The following MOB2 variants were observed in gnomAD, a reference collection of about 807,000 sequenced individuals.
MOB2 encodes the protein MOB kinase activator 2, also known as MOB2 Mps One Binder homolog.
Under a neutral mutation model 27.4 loss-of-function variants are expected in MOB2, and 14 were observed. That is an observed-to-expected ratio of 0.51 (90% CI 0.34 to 0.80). The LOEUF (loss-of-function observed/expected upper bound fraction) is 0.80, where lower values mean the gene tolerates loss of function less well. Ranked by LOEUF, MOB2 falls within the 30% of genes least tolerant of loss-of-function variation. The pLI is 0.01. For synonymous variants in MOB2, 167 were observed against 151.8 expected (o/e 1.10, Z -0.74); for missense variants, 304 against 354.6 (o/e 0.86, Z 1.15).
intron 1 of MOB2, among the ~76,000 whole-genome samples, chr11:1,485,285 C>T (rs1847958160): frequency 6.6e-6 from 1 of 152,256 alleles, no homozygotes. Flanking sequence ...CACACAAGCA[C>T]ACACTGGCAC....
intron 4 of MOB2, among the ~76,000 whole-genome samples, chr11:1,470,941 C>T (rs1431854802): frequency 6.6e-6 from 1 of 152,254 alleles, no homozygotes; most frequent in African/African-American, 2.4e-5. Context: ...AGCCCCACCA[C>T]ATCCCACCAA....
Position 1,471,340 on chromosome 11 carries a change from C to G in MOB2, c.445G>C (p.Val149Leu). ...TCCTCATCCGTCACCAGCTTCTGCA[C>G]GGAGCTCATGACGAAGTCAACGTAC... ...PQYVDFVMSS[V>L]QKLVTDEDVF... The change falls in exon 4 of 5, where the codon GTG becomes CTG. Residue 149 changes from valine (V) to leucine (L), a missense_variant. Val to Leu is a conservative substitution (Grantham distance 32). Transcript: ENST00000329957. 1.2e-6 allele frequency: 2 copies of G among 1,613,562 alleles called. No individual in the cohort carries two copies. Among genetic ancestry groups the G allele is most frequent in the Non-Finnish European group, 1.7e-6 (2 of 1,179,824 alleles).
In MOB2 at chr11:1,470,376, C is replaced by T; in HGVS notation, c.603G>A (p.Glu201=). ...WAHFKETLAL[E]LHGHLNTLYV... is the part of the protein sequence containing the mutation. ...AGAGCGTGTTCAAGTGTCCGTGCAGCTCCAGGGCCAGCGTCTCCTTGAAGT... is the reference window on the plus strand; with the variant it reads ...AGAGCGTGTTCAAGTGTCCGTGCAGTTCCAGGGCCAGCGTCTCCTTGAAGT... Residue 201 remains glutamate (E), a synonymous_variant, in exon 5 of 5, where the codon GAG becomes GAA. Transcript: ENST00000329957. 6.2e-7 allele frequency: 1 copy of T among 1,613,706 alleles called. No homozygotes were observed.
At chr11:1,476,017 C>T (rs371261936) in intron 3 of MOB2, among the ~76,000 whole-genome samples, 1 of 152,154 alleles carries the variant, frequency 6.6e-6, no homozygotes, top group South Asian at 2.1e-4. Flanking sequence ...AACCTGAGCA[C>T]GAGCACCCTG....
intron 3 of MOB2, among the ~76,000 whole-genome samples, chr11:1,477,611 G>A (rs890895981): frequency 3.3e-5 from 5 of 152,162 alleles, no homozygotes; most frequent in African/African-American, 1.2e-4. Flanking sequence ...TGTGGACCAG[G>A]AAAGGGACCC....
rs749278780 is a variant in MOB2 at position 1,471,286 on chromosome 11, G to A, written c.490+9C>T. The A allele has an allele frequency of 1.2e-6, 2 of 1,609,692 alleles. No individual in the cohort carries two copies. Among genetic ancestry groups the A allele is most frequent in the Admixed American group, 1.7e-5 (1 of 59,746 alleles). On this transcript the variant is annotated intron_variant, in intron 4 of 4. Coordinates refer to ENST00000329957, the MANE Select transcript of MOB2 (RefSeq NM_001172223.3). ...TGAGGATGACCGCCCAGTGCTGGGG[G>A]AGACGAACCGTATTTTGTGGGGAAC... is the stretch of plus-strand genomic sequence containing the variant.
At position 1,470,504 on chromosome 11, in the gene MOB2, G is replaced by T; in HGVS notation, c.491-16C>A. Reference sequence around the variant, plus strand: ...AATTCTCTGCCTGGGGAAGGCCACCGTGTCACAAGCTGCAGACATCCCTTG... The same window carrying T: ...AATTCTCTGCCTGGGGAAGGCCACCTTGTCACAAGCTGCAGACATCCCTTG... On this transcript the variant is annotated splice_polypyrimidine_tract_variant and intron_variant, in intron 4 of 4. Transcript: ENST00000329957. The T allele has an allele frequency of 6.2e-7, 1 of 1,605,868 alleles. No homozygotes were observed. Among genetic ancestry groups the T allele is most frequent in the South Asian group, 1.1e-5 (1 of 90,506 alleles).
chr11:1,470,377 T>C lies in MOB2; in HGVS notation c.602A>G (p.Glu201Gly). The change falls in exon 5 of 5, where the codon GAG becomes GGG. Residue 201 changes from glutamate to glycine, a missense_variant. Transcript: ENST00000329957. ...WAHFKETLALELHGHLNTLYV... is the reference protein window; with the variant it reads ...WAHFKETLALGLHGHLNTLYV... ...GAGCGTGTTCAAGTGTCCGTGCAGC[T>C]CCAGGGCCAGCGTCTCCTTGAAGTG... 1.9e-6 allele frequency: 3 copies of C among 1,613,644 alleles called. No homozygotes were observed. The highest frequency in any genetic ancestry group is 2.5e-6 in the Non-Finnish European group (3 of 1,179,892).
intron 3 of MOB2, among the ~76,000 whole-genome samples, chr11:1,476,791 T>C (rs1328008290): frequency 6.6e-6 from 1 of 152,194 alleles, no homozygotes; most frequent in East Asian, 1.9e-4. Context: ...CATGCTGTAT[T>C]TTCCTGTGTA....
intron 1 of MOB2, 104 bp downstream of exon 1, chr11:1,486,343 G>A (rs1201924905): frequency 2.3e-6 from 2 of 873,644 alleles, no homozygotes; most frequent in African/African-American, 3.3e-5. Context: ...GGCAGCCACG[G>A]ACACAGTCCG....
intron 1 of MOB2, among the ~76,000 whole-genome samples, chr11:1,483,097 C>T (rs1358274230): frequency 6.6e-6 from 1 of 152,228 alleles, no homozygotes; most frequent in Non-Finnish European, 1.5e-5. Flanking sequence ...TCTGCGGCGC[C>T]CCCCGCAGGC....
At chr11:1,480,926 T>C (rs1426402926) in intron 1 of MOB2, 41 bp from the exon 2 acceptor site, 1 of 1,546,630 alleles carries the variant, frequency 6.5e-7, no homozygotes, top group South Asian at 1.2e-5. Context: ...TACACGCCCA[T>C]CAGACCCAGG....
chr11:1,482,115 C>T (rs1847922046), intron 1 of MOB2, among the ~76,000 whole-genome samples: 1 of 152,202 alleles, frequency 6.6e-6, no homozygotes, highest in South Asian at 2.1e-4. Flanking sequence ...CACAGCACAC[C>T]ACACCCCACC....
intron 1 of MOB2, among the ~76,000 whole-genome samples, chr11:1,483,063 G>A (rs1847932400): frequency 6.6e-6 from 1 of 152,220 alleles, no homozygotes; most frequent in Non-Finnish European, 1.5e-5. Flanking sequence ...GTCATTCTTG[G>A]CTTTGCCCAG....
chr11:1,470,261 T>TG lies in MOB2; in HGVS notation c.717dup (p.Ser240GlnfsTer255). 6.2e-7 allele frequency: 1 copy of TG among 1,612,548 alleles called. No individual in the cohort carries two copies. Among genetic ancestry groups the TG allele is most frequent in the East Asian group, 2.2e-5 (1 of 44,876 alleles). On this transcript the variant is annotated frameshift_variant, in exon 5 of 5. Coordinates refer to ENST00000329957, the MANE Select transcript of MOB2 (RefSeq NM_001172223.3). LOFTEE classifies it high-confidence loss of function. ...CCACTGTGGACCCCGCCGGCCCCGCTGCATAGCACCTCGGTGAGGTCGTCC... is the reference window on the plus strand; with the variant it reads ...CCACTGTGGACCCCGCCGGCCCCGCTGGCATAGCACCTCGGTGAGGTCGTCC...
chr11:1,486,367 C>A, intron 1 of MOB2, 80 bp downstream of exon 1: 1 of 1,152,576 alleles, frequency 8.7e-7, no homozygotes, highest in Non-Finnish European at 1.2e-6. Flanking sequence ...CCTCCCCACC[C>A]TGACCTCCTT....
chr11:1,479,199 C>T (rs750567125), intron 3 of MOB2, among the ~76,000 whole-genome samples: 64 of 152,316 alleles, frequency 4.2e-4, no homozygotes, highest in Middle Eastern at 6.8e-3. Context: ...TGCCAGGCCC[C>T]GTCTGCCCAG....
intron 1 of MOB2, among the ~76,000 whole-genome samples, chr11:1,484,101 C>T (rs903097162): frequency 2.6e-5 from 4 of 152,144 alleles, no homozygotes; most frequent in African/African-American, 9.7e-5. Context: ...CTGGCCAGGC[C>T]CCACGGCCCA....
intron 3 of MOB2, among the ~76,000 whole-genome samples, chr11:1,474,572 C>G (rs1471625964): frequency 1.3e-5 from 2 of 152,212 alleles, no homozygotes; most frequent in Non-Finnish European, 2.9e-5. Context: ...CCCTTTCTCC[C>G]TTGAATTTAT....
Sources: gnomAD v4.1 joint callset for allele counts (sites outside exome capture counted in the v4.1 genomes callset) on GRCh38, gnomAD v4.1.1 for gene constraint, MANE v1.5 for transcripts, NCBI Gene and HGNC (gene_info 2026-07-23, HGNC 2026-07-21) for gene names.